The following KLHL22 variants were observed in gnomAD, a reference collection of about 807,000 sequenced individuals.
The protein encoded by KLHL22 is kelch like family member 22, also known as kelch-like protein 22.
KLHL22 carries 18 observed loss-of-function variants against 60.7 expected under a neutral mutation model. The observed-to-expected ratio is 0.30, with a 90% CI of 0.20 to 0.44. The LOEUF (loss-of-function observed/expected upper bound fraction) is 0.44, where lower values mean the gene tolerates loss of function less well. Among genes scored for constraint, KLHL22 ranks in the 20% least tolerant of loss-of-function variants. The pLI is 1.00. For synonymous variants in KLHL22, 355 were observed against 354.5 expected (o/e 1.00, Z -0.01); for missense variants, 596 against 852.3 (o/e 0.70, Z 3.74).
chr22:20,484,025 C>T (rs1045550599), intron 2 of KLHL22: 26 of 770,324 alleles, frequency 3.4e-5, no homozygotes, highest in Middle Eastern at 7.3e-4. Flanking sequence ...TGCTGACCAG[C>T]CAGGCGCCAT....
At chr22:20,489,979 T>C (rs1308358165) in intron 1 of KLHL22, 4 of 357,792 alleles carry the variant, frequency 1.1e-5, no homozygotes, top group Non-Finnish European at 2.2e-5. Flanking sequence ...AACCGCAAAC[T>C]GATTTGAATT....
Position 20,441,955 on chromosome 22 carries a change from G to T in KLHL22, c.*118C>A. The T allele has an allele frequency of 9.4e-7, 1 of 1,066,140 alleles. No individual in the cohort carries two copies. Among genetic ancestry groups the T allele is most frequent in the Non-Finnish European group, 1.3e-6 (1 of 767,022 alleles). 66.0% of individuals were successfully genotyped at this position (1,066,140 alleles called of 1,614,324 possible). A position where few individuals can be genotyped will look rare whatever the true frequency, so the allele number is the denominator to read the frequency against. On this transcript the variant is annotated 3_prime_UTR_variant, in exon 7 of 7. Coordinates refer to ENST00000328879, the MANE Select transcript of KLHL22 (RefSeq NM_032775.4). ...TGAAGAAAGAGGGCAGGGCCCATAA[G>T]CTGTGGCCAACAGGGGCAGGGGCCC... is the stretch of plus-strand genomic sequence containing the variant.
intron 5 of KLHL22, chr22:20,451,803 G>C: frequency 6.2e-7 from 1 of 1,603,430 alleles, no homozygotes; most frequent in East Asian, 2.2e-5. Context: ...ATGCTGGTGT[G>C]TGTGTTCTCC....
At chr22:20,451,543 T>C in intron 5 of KLHL22, 1 of 1,597,068 alleles carries the variant, frequency 6.3e-7, no homozygotes, top group East Asian at 2.2e-5. Flanking sequence ...TGACCGTATT[T>C]ATGTGGTGGG....
chr22:20,484,307 C>G (rs536620561), intron 2 of KLHL22, among the ~76,000 whole-genome samples: 1 of 151,714 alleles, frequency 6.6e-6, no homozygotes, highest in East Asian at 1.9e-4. Flanking sequence ...TTGTTTTTTG[C>G]TTTTTGAGGC....
chr22:20,488,135 T>G (rs1601392099), intron 2 of KLHL22, among the ~76,000 whole-genome samples: 1 of 151,796 alleles, frequency 6.6e-6, no homozygotes, highest in Non-Finnish European at 1.5e-5. Context: ...ATTAAAAAAA[T>G]AGAGAGAGAT....
At position 20,483,014 on chromosome 22, in the gene KLHL22, G is replaced by C. The variant is rs150702897; in HGVS notation, c.227+5971C>G. The C allele has an allele frequency of 2.0e-4, 135 of 687,924 alleles. No individual in the cohort carries two copies. The African/African-American group carries it at 2.3e-3, about 12-fold the overall frequency. The allele number at this position is 687,924 out of a possible 1,614,324, so 42.6% of individuals were successfully genotyped here. A position where few individuals can be genotyped will look rare whatever the true frequency, so the allele number is the denominator to read the frequency against. ...CAGCTTGACCTTAACGTTCACCAGG[G>C]CGTCCTACTCCTAGGCCTGGCACTG... is the stretch of plus-strand genomic sequence containing the variant. On this transcript the variant is annotated intron_variant, in intron 2 of 6. Transcript: ENST00000328879.
Position 20,485,969 on chromosome 22 carries a change from T to C in KLHL22, c.227+3016A>G, listed in dbSNP as rs555065251. Among the ~76,000 whole-genome samples the C allele has an allele frequency of 2.4e-4, 36 of 149,948 alleles. No homozygotes were observed. In the East Asian group the frequency reaches 3.4e-3, roughly 14 times the overall value. On this transcript the variant is annotated intron_variant, in intron 2 of 6. Transcript: ENST00000328879. ...AAATCACAAGGTCAGGAGTTCGAGA[T>C]CAGCCTGGCCAACATGGTGAAACCC...
chr22:20,449,607 GC>G (rs2052941322), intron 5 of KLHL22, among the ~76,000 whole-genome samples: 3 of 151,646 alleles, frequency 2.0e-5, no homozygotes, highest in African/African-American at 7.3e-5. Flanking sequence ...CACCATGTTG[GC>G]CAGGCTGGTC....
intron 2 of KLHL22, among the ~76,000 whole-genome samples, chr22:20,472,267 A>C (rs1195849553): frequency 2.0e-5 from 3 of 151,982 alleles, no homozygotes; most frequent in Non-Finnish European, 4.4e-5. Context: ...AAAACAAAAA[A>C]CAAAGAGCAA....
chr22:20,455,125 C>A (rs2053042622), intron 5 of KLHL22, among the ~76,000 whole-genome samples: 2 of 152,174 alleles, frequency 1.3e-5, no homozygotes, highest in African/African-American at 4.8e-5. Flanking sequence ...CAGGTGATCC[C>A]CCCCGCCTGG....
chr22:20,477,967 G>A (rs974613045), intron 2 of KLHL22, among the ~76,000 whole-genome samples: 5 of 152,144 alleles, frequency 3.3e-5, no homozygotes, highest in African/African-American at 1.2e-4. Context: ...AACTGAAGTT[G>A]TTAGAGATAA....
chr22:20,480,463 T>G (rs1267709261), intron 2 of KLHL22, among the ~76,000 whole-genome samples: 1 of 152,176 alleles, frequency 6.6e-6, no homozygotes, highest in Non-Finnish European at 1.5e-5. Context: ...CCATCTCTAC[T>G]GCTGGTGCCT....
At chr22:20,471,808 G>A (rs912353893) in intron 2 of KLHL22, among the ~76,000 whole-genome samples, 1 of 152,204 alleles carries the variant, frequency 6.6e-6, no homozygotes, top group Non-Finnish European at 1.5e-5. Flanking sequence ...CTTCTGCTGT[G>A]TTCATCAGTG....
intron 2 of KLHL22, among the ~76,000 whole-genome samples, chr22:20,481,445 C>T (rs1430451483): frequency 6.6e-6 from 1 of 151,986 alleles, no homozygotes; most frequent in African/African-American, 2.4e-5. Flanking sequence ...TGGTGGCATG[C>T]ACCTGTACTC....
chr22:20,460,707 C>G (rs970219099), intron 4 of KLHL22, among the ~76,000 whole-genome samples: 1 of 146,070 alleles, frequency 6.8e-6, no homozygotes, highest in Non-Finnish European at 1.5e-5. Context: ...ACACTGATTT[C>G]TTATTTCCCT....
chr22:20,494,723 T>C (rs1411316332), intron 1 of KLHL22, among the ~76,000 whole-genome samples: 6 of 152,104 alleles, frequency 3.9e-5, no homozygotes, highest in Non-Finnish European at 8.8e-5. Flanking sequence ...AAGTTCCCCG[T>C]TTTGTACTGT....
intron 1 of KLHL22, chr22:20,490,996 G>GT (rs1404904895): frequency 6.6e-6 from 1 of 152,168 alleles, no homozygotes; most frequent in Non-Finnish European, 1.5e-5. Context: ...TGTTTCACCT[G>GT]TGCTTCTGAC....
At chr22:20,453,898 C>A (rs995825811) in intron 5 of KLHL22, among the ~76,000 whole-genome samples, 1 of 152,044 alleles carries the variant, frequency 6.6e-6, no homozygotes, top group Non-Finnish European at 1.5e-5. Context: ...CCACACCCAG[C>A]TAATATTTGT....
Sources: allele counts gnomAD v4.1 joint callset (sites outside exome capture counted in the v4.1 genomes callset), GRCh38; gene constraint gnomAD v4.1.1; transcripts MANE v1.5; gene names NCBI Gene and HGNC (gene_info 2026-07-23, HGNC 2026-07-21).